Variants in CACNG8 observed in about 807,000 individuals in gnomAD.
CACNG8 encodes the protein calcium voltage-gated channel auxiliary subunit gamma 8, also known as voltage-dependent calcium channel gamma-8 subunit.
In CACNG8, 5 loss-of-function variants were observed where a neutral mutation model predicts 26.9. The ratio of observed to expected loss-of-function variants is 0.19; its 90% CI spans 0.10 to 0.39. The LOEUF (loss-of-function observed/expected upper bound fraction) is 0.39, where lower values mean the gene tolerates loss of function less well. CACNG8 is among the 10% of genes least tolerant of loss of function. The pLI, the probability that CACNG8 is intolerant of heterozygous loss-of-function variation, is 1.00. For missense variants in CACNG8, 473 were observed against 609.4 expected, an observed-to-expected ratio of 0.78 and a Z score of 2.36; for synonymous variants, 321 against 296.7, an observed-to-expected ratio of 1.08 and a Z score of -0.84.
intron 2 of CACNG8, among the ~76,000 whole-genome samples, chr19:53,979,392 A>C: frequency 6.6e-6 from 1 of 151,394 alleles, no homozygotes; most frequent in South Asian, 2.1e-4. Flanking sequence ...GAAGGAAGGA[A>C]TGTAGAGAGA....
Position 53,982,573 on chromosome 19 carries a change from G to T in CACNG8, c.1002G>T (p.Gly334=), listed in dbSNP as rs1360601221. The change falls in exon 4 of 4, where the codon GGG becomes GGT. Residue 334 remains glycine, a synonymous_variant. Coordinates refer to ENST00000270458, the MANE Select transcript of CACNG8 (RefSeq NM_031895.6). This position sits in a 1 kb window ranked among gnomAD's most constrained non-coding sequence, Gnocchi z 8.4. ...GCGGCGGCGGCGGCGGCGCCGTGGGGGCGTTCGGCGGCGCGGCCGGGGGCG... is the reference window on the plus strand; with the variant it reads ...GCGGCGGCGGCGGCGGCGCCGTGGGTGCGTTCGGCGGCGCGGCCGGGGGCG... The T allele has an allele frequency of 1.3e-5, 13 of 984,334 alleles. No homozygotes were observed. Among genetic ancestry groups the T allele is most frequent in the Middle Eastern group, 1.0e-3 (2 of 1,954 alleles). The allele number at this position is 984,334 out of a possible 1,614,324, so 61.0% of individuals were successfully genotyped here. A position where few individuals can be genotyped will look rare whatever the true frequency, so the allele number is the denominator to read the frequency against.
At chr19:53,968,055 A>C (rs74801490) in intron 1 of CACNG8, among the ~76,000 whole-genome samples, 8,315 of 152,070 alleles carry the variant, frequency 0.055, 265 homozygotes, top group African/African-American at 0.078. Flanking sequence ...ATCATCATAT[A>C]GATGAATCAG....
In CACNG8 at chr19:53,963,394, C is replaced by T. The variant is rs1354051977; in HGVS notation, c.252C>T (p.His84=). The T allele has an allele frequency of 6.4e-7, 1 of 1,570,280 alleles. No homozygotes were observed. The highest frequency in any genetic ancestry group is 1.1e-5 in the South Asian group (1 of 87,756). The change falls in exon 1 of 4, where the codon CAC becomes CAT. Residue 84 remains histidine (H), a synonymous_variant. Coordinates refer to ENST00000270458, the MANE Select transcript of CACNG8 (RefSeq NM_031895.6). ...AGAAGGACCCCGGCGGCCTCACGCA[C>T]TCGGGCCTCTGGAGGATCTGCTGCC...
chr19:53,972,361 C>CTTTTTTTTT (rs577196456), intron 1 of CACNG8, among the ~76,000 whole-genome samples: 44 of 106,274 alleles, frequency 4.1e-4, no homozygotes, highest in African/African-American at 6.0e-4. Flanking sequence ...TTCTTCTTTT[C>CTTTTTTTTT]TTTTTTTTTT....
rs1262935348 is a variant in CACNG8, at chr19:53,982,781, G to A, written c.1210G>A (p.Gly404Arg). The change falls in exon 4 of 4, where the codon GGG becomes AGG. Residue 404 changes from glycine to arginine, a missense_variant. Transcript: ENST00000270458. The surrounding 1 kb of genome is among the most constrained non-coding windows in gnomAD (Gnocchi z 8.4). The stretch of plus-strand genomic sequence containing the variant: ...ACCCGCGCCCTCTGCGCCCGCCCCC[G>A]GGACCCTGGCCAAGGAGGCCGCCGC... The A allele has an allele frequency of 3.0e-6, 4 of 1,347,528 alleles. No individual in the cohort carries two copies. Among genetic ancestry groups the A allele is most frequent in the South Asian group, 1.6e-5 (1 of 63,806 alleles). 83.5% of individuals were successfully genotyped at this position (1,347,528 alleles called of 1,614,324 possible). A position where few individuals can be genotyped will look rare whatever the true frequency, so the allele number is the denominator to read the frequency against.
chr19:53,978,918 A>C (rs2069346916), intron 2 of CACNG8, among the ~76,000 whole-genome samples: 1 of 142,788 alleles, frequency 7.0e-6, no homozygotes, highest in Non-Finnish European at 1.5e-5. Context: ...AGAGAAGAGA[A>C]ACCTGGAAGA....
intron 1 of CACNG8, among the ~76,000 whole-genome samples, chr19:53,970,815 C>A (rs2069297984): frequency 6.6e-6 from 1 of 150,848 alleles, no homozygotes; most frequent in Non-Finnish European, 1.5e-5. Context: ...GCCTGTAGTC[C>A]CCACTACTAG....
chr19:53,982,587 C>T lies in CACNG8; in HGVS notation c.1016C>T (p.Ala339Val), dbSNP rs1479606576. The T allele has an allele frequency of 3.1e-6, 3 of 973,976 alleles. No homozygotes were observed. The highest frequency in any genetic ancestry group is 1.8e-5 in the African/African-American group (1 of 56,074). The allele number at this position is 973,976 out of a possible 1,614,324, so 60.3% of individuals were successfully genotyped here. The change falls in exon 4 of 4, where the codon GCG becomes GTG. Residue 339 changes from alanine to valine, a missense_variant. Transcript: ENST00000270458. The surrounding 1 kb of genome is among the most constrained non-coding windows in gnomAD (Gnocchi z 8.4). The stretch of plus-strand genomic sequence containing the variant: ...GGCGCCGTGGGGGCGTTCGGCGGCG[C>T]GGCCGGGGGCGCCGGGGGCGGCGGC...
intron 1 of CACNG8, among the ~76,000 whole-genome samples, chr19:53,977,074 A>C (rs1449044963): frequency 1.3e-5 from 2 of 152,100 alleles, no homozygotes; most frequent in African/African-American, 4.8e-5. Flanking sequence ...CCCTCCAGGA[A>C]CTCTCAGCTT....
chr19:53,982,469 G>C lies in CACNG8; in HGVS notation c.898G>C (p.Ala300Pro). ...CGGCGGCCCCGGGGGCCCGGGCTTT[G>C]CCTCCACGGACATCTCCATGTACAC... The change falls in exon 4 of 4, where the codon GCC (alanine) becomes CCC (proline). Residue 300 changes from alanine to proline, a missense_variant. Physicochemically the swap from Ala to Pro is conservative, Grantham distance 27. Transcript: ENST00000270458. This position sits in a 1 kb window ranked among gnomAD's most constrained non-coding sequence, Gnocchi z 8.4. 1 of 1,514,714 alleles carries C rather than the reference G, an allele frequency of 6.6e-7. No individual in the cohort carries two copies. The highest frequency in any genetic ancestry group is 8.8e-7 in the Non-Finnish European group (1 of 1,138,748). 93.8% of individuals were successfully genotyped at this position (1,514,714 alleles called of 1,614,324 possible). A position where few individuals can be genotyped will look rare whatever the true frequency, so the allele number is the denominator to read the frequency against.
intron 1 of CACNG8, among the ~76,000 whole-genome samples, chr19:53,968,387 A>C (rs2069283078): frequency 6.6e-6 from 1 of 151,942 alleles, no homozygotes; most frequent in Non-Finnish European, 1.5e-5. Context: ...AAAAAACAAA[A>C]AAAAAAAGAG....
chr19:53,978,629 T>C (rs894356798), intron 2 of CACNG8, among the ~76,000 whole-genome samples: 8 of 150,196 alleles, frequency 5.3e-5, no homozygotes, highest in Non-Finnish European at 1.5e-5. Context: ...TGTATTGCCA[T>C]TGGTAGCTAC....
At chr19:53,964,753 A>G (rs1212180147) in intron 1 of CACNG8, among the ~76,000 whole-genome samples, 1 of 151,980 alleles carries the variant, frequency 6.6e-6, no homozygotes, top group Non-Finnish European at 1.5e-5. Context: ...CCTGAGTATC[A>G]AGTAGCTGCG....
At chr19:53,972,139 C>T (rs185746083) in intron 1 of CACNG8, among the ~76,000 whole-genome samples, 24 of 152,062 alleles carry the variant, frequency 1.6e-4, no homozygotes, top group Admixed American at 1.3e-3. Flanking sequence ...GGATTACAGG[C>T]ACCCATCACC....
rs1030180544 is a variant in CACNG8, at chr19:53,985,707, G to A, written c.*2858G>A. ...AAATTAGCCGGGTGTGGTGGTGCAC[G>A]CCTGTAGTCCCGGCTACTCAGGAGG... On this transcript the variant is annotated 3_prime_UTR_variant, in exon 4 of 4. Transcript: ENST00000270458. 1 of 152,060 alleles carries A rather than the reference G, an allele frequency of 6.6e-6. No homozygotes were observed. The highest frequency in any genetic ancestry group is 1.5e-5 in the Non-Finnish European group (1 of 68,078). 9.4% of individuals were successfully genotyped at this position (152,060 alleles called of 1,614,324 possible).
rs1212403182 is a variant in CACNG8 at position 53,963,013 on chromosome 19, C to G, written c.-130C>G. On this transcript the variant is annotated 5_prime_UTR_variant, in exon 1 of 4. Coordinates refer to ENST00000270458, the MANE Select transcript of CACNG8 (RefSeq NM_031895.6). ...GCCGCAGCCTCCTCCTCGCCGCCCC[C>G]CTCCCCAGCCCCGCCGGCCCCGGGC... 13 of 382,582 alleles carry G rather than the reference C, an allele frequency of 3.4e-5. No individual in the cohort carries two copies. The South Asian group carries it at 4.7e-4, about 14-fold the overall frequency. 23.7% of individuals were successfully genotyped at this position (382,582 alleles called of 1,614,324 possible). A position where few individuals can be genotyped will look rare whatever the true frequency, so the allele number is the denominator to read the frequency against.
At chr19:53,969,250 G>A (rs1178238046) in intron 1 of CACNG8, among the ~76,000 whole-genome samples, 2 of 152,006 alleles carry the variant, frequency 1.3e-5, no homozygotes, top group East Asian at 1.9e-4. Context: ...TGATCTGCCC[G>A]CCTTGGCCTC....
At chr19:53,967,537 A>C (rs2069278167) in intron 1 of CACNG8, among the ~76,000 whole-genome samples, 1 of 152,224 alleles carries the variant, frequency 6.6e-6, no homozygotes, top group South Asian at 2.1e-4. Context: ...ATTTATGGAC[A>C]CTAAAATCTG....
Position 53,986,675 on chromosome 19 carries a change from T to G in CACNG8, c.*3826T>G, listed in dbSNP as rs909089179. Reference sequence around the variant, plus strand: ...ATCACTTGAACCCAGGAGGCAGAGGTTGCAGTGAGCTGAGATCGCGCCACT... The same window carrying G: ...ATCACTTGAACCCAGGAGGCAGAGGGTGCAGTGAGCTGAGATCGCGCCACT... On this transcript the variant is annotated 3_prime_UTR_variant, in exon 4 of 4. Coordinates refer to ENST00000270458, the MANE Select transcript of CACNG8 (RefSeq NM_031895.6). 1 of 152,216 alleles carries G rather than the reference T, an allele frequency of 6.6e-6. No homozygotes were observed. The highest frequency in any genetic ancestry group is 2.4e-5 in the African/African-American group (1 of 41,396). The allele number at this position is 152,216 out of a possible 1,614,324, so 9.4% of individuals were successfully genotyped here.
Sources: allele counts gnomAD v4.1 joint callset (sites outside exome capture counted in the v4.1 genomes callset), GRCh38; gene constraint gnomAD v4.1.1; non-coding constraint Gnocchi (gnomAD v3.1); transcripts MANE v1.5; gene names NCBI Gene and HGNC (gene_info 2026-07-23, HGNC 2026-07-21).